CNTNAP2: variants seen among roughly 807,000 people sequenced by gnomAD.
CNTNAP2 encodes contactin-associated protein-like 2.
In CNTNAP2, 98 loss-of-function variants were observed where a neutral mutation model predicts 155.2. The observed-to-expected ratio is 0.63, with a 90% confidence interval of 0.54 to 0.75. The LOEUF (loss-of-function observed/expected upper bound fraction) is 0.75. CNTNAP2 is among the 30% of genes least tolerant of loss of function. CNTNAP2 has a pLI of 0.00. For synonymous variants in CNTNAP2, 651 were observed against 631.2 expected (o/e 1.03, Z -0.47); for missense variants, 1,727 against 1,688.1 (o/e 1.02, Z -0.40).
intron 22 of CNTNAP2, among the ~76,000 whole-genome samples, chr7:148,393,046 A>G (rs146636568): frequency 0.011 from 1,672 of 151,876 alleles, 34 homozygotes; most frequent in African/African-American, 0.038. Context: ...TTTCCTTTCT[A>G]TCATCTGGCC....
intron 1 of CNTNAP2, among the ~76,000 whole-genome samples, chr7:146,499,727 T>A (rs1797272564): frequency 6.6e-6 from 1 of 152,184 alleles, no homozygotes; most frequent in African/African-American, 2.4e-5. Flanking sequence ...TTGCTGAGAA[T>A]GATCGTTTCC....
At chr7:147,139,318 A>G (rs1378972409) in intron 8 of CNTNAP2, among the ~76,000 whole-genome samples, 1 of 152,110 alleles carries the variant, frequency 6.6e-6, no homozygotes, top group Non-Finnish European at 1.5e-5. Flanking sequence ...AATTTAAGCA[A>G]TATGGATTTA....
At chr7:147,383,027 A>G (rs1796563050) in intron 9 of CNTNAP2, among the ~76,000 whole-genome samples, 1 of 152,142 alleles carries the variant, frequency 6.6e-6, no homozygotes, top group South Asian at 2.1e-4. Context: ...GACAAAAGCA[A>G]TATAGTTTAG....
At chr7:146,847,744 A>G (rs1257380054) in intron 3 of CNTNAP2, among the ~76,000 whole-genome samples, 4 of 152,182 alleles carry the variant, frequency 2.6e-5, no homozygotes, top group African/African-American at 9.6e-5. Context: ...ATTTGGAAGT[A>G]TAATTGAGAA....
chr7:147,771,542 G>C (rs1797469432), intron 13 of CNTNAP2, among the ~76,000 whole-genome samples: 1 of 152,182 alleles, frequency 6.6e-6, no homozygotes, highest in Non-Finnish European at 1.5e-5. Context: ...TAGGCCAGTG[G>C]ATTTGCTTTG....
chr7:147,804,829 C>G (rs1030894372), intron 13 of CNTNAP2, among the ~76,000 whole-genome samples: 2 of 152,026 alleles, frequency 1.3e-5, no homozygotes, highest in African/African-American at 4.8e-5. Context: ...GCTGGGATTA[C>G]AGGCATGAGC....
chr7:147,955,697 A>G (rs1801007648), intron 14 of CNTNAP2, among the ~76,000 whole-genome samples: 1 of 152,184 alleles, frequency 6.6e-6, no homozygotes, highest in Non-Finnish European at 1.5e-5. Flanking sequence ...TATGATGCAC[A>G]GTCCCTGACC....
intron 14 of CNTNAP2, among the ~76,000 whole-genome samples, chr7:147,955,248 A>G (rs1416346052): frequency 6.6e-6 from 1 of 152,244 alleles, no homozygotes; most frequent in Non-Finnish European, 1.5e-5. Context: ...TATGAGTTTT[A>G]CATATCAGAA....
chr7:147,453,135 C>T (rs907154250), intron 10 of CNTNAP2, among the ~76,000 whole-genome samples: 2 of 152,144 alleles, frequency 1.3e-5, no homozygotes, highest in African/African-American at 4.8e-5. Flanking sequence ...GCTGGCAAAG[C>T]CTGCTCCTCA....
intron 10 of CNTNAP2, among the ~76,000 whole-genome samples, chr7:147,421,549 C>G (rs1490278567): frequency 6.9e-6 from 1 of 145,178 alleles, no homozygotes; most frequent in Non-Finnish European, 1.5e-5. Flanking sequence ...ATTAAAATAT[C>G]TAGGGATCTG....
chr7:147,745,969 T>G (rs1797035563), intron 13 of CNTNAP2, among the ~76,000 whole-genome samples: 1 of 152,178 alleles, frequency 6.6e-6, no homozygotes, highest in Non-Finnish European at 1.5e-5. Flanking sequence ...TTTCATGGGG[T>G]GTAATCTGTA....
intron 1 of CNTNAP2, among the ~76,000 whole-genome samples, chr7:146,633,555 C>T (rs557378399): frequency 3.9e-5 from 6 of 151,994 alleles, no homozygotes; most frequent in African/African-American, 1.2e-4. Flanking sequence ...ACAAATGCTG[C>T]CGTTATCTGA....
intron 1 of CNTNAP2, among the ~76,000 whole-genome samples, chr7:146,531,591 G>T (rs1433539453): frequency 6.6e-6 from 1 of 152,116 alleles, no homozygotes; most frequent in African/African-American, 2.4e-5. Context: ...AGTTGCCCAG[G>T]CTGGAGTGCA....
In CNTNAP2 at chr7:148,351,744, C is replaced by CAAAA. The variant is rs71188974; in HGVS notation, c.3476-31892_3476-31889dup. Among the ~76,000 whole-genome samples the CAAAA allele has an allele frequency of 2.2e-4, 19 of 85,400 alleles. 1 individual carries two copies. The highest frequency in any genetic ancestry group is 0.018 in the Middle Eastern group (2 of 112). The allele number at this position is 85,400 out of a possible 152,430, so 56.0% of individuals were successfully genotyped here. A position where few individuals can be genotyped will look rare whatever the true frequency, so the allele number is the denominator to read the frequency against. ...GGCAACAGAGTGAGACTCTGTCTCA[C>CAAAA]AAAAAAAAAAAAAAAATAGAAACCG... On this transcript the variant is annotated intron_variant, in intron 21 of 23. Transcript: ENST00000361727.
intron 1 of CNTNAP2, among the ~76,000 whole-genome samples, chr7:146,680,321 C>G (rs1800480120): frequency 6.6e-6 from 1 of 152,080 alleles, no homozygotes; most frequent in Non-Finnish European, 1.5e-5. Context: ...AAAAAGCAAA[C>G]AAAACCCCTA....
intron 8 of CNTNAP2, among the ~76,000 whole-genome samples, chr7:147,157,745 A>G (rs1801954236): frequency 2.0e-5 from 3 of 152,270 alleles, no homozygotes; most frequent in South Asian, 4.1e-4. Context: ...TGCTTAATGC[A>G]CTTGGCTAGA....
chr7:147,537,000 C>T (rs1799553374), intron 11 of CNTNAP2, among the ~76,000 whole-genome samples: 2 of 152,162 alleles, frequency 1.3e-5, no homozygotes, highest in African/African-American at 4.8e-5. Context: ...CTAAATCTGA[C>T]CCTTTTATTA....
At chr7:147,292,275 T>C (rs1805331335) in intron 8 of CNTNAP2, among the ~76,000 whole-genome samples, 1 of 152,198 alleles carries the variant, frequency 6.6e-6, no homozygotes, top group Non-Finnish European at 1.5e-5. Context: ...TGGCATCATT[T>C]TTTGTAAAAG....
intron 13 of CNTNAP2, among the ~76,000 whole-genome samples, chr7:147,776,097 T>C (rs1453576980): frequency 1.3e-5 from 2 of 152,142 alleles, no homozygotes; most frequent in Non-Finnish European, 2.9e-5. Context: ...GTACTAGAAA[T>C]GTACCAGCCA....
Sources: gnomAD v4.1 joint callset for allele counts (sites outside exome capture counted in the v4.1 genomes callset) on GRCh38, gnomAD v4.1.1 for gene constraint, MANE v1.5 for transcripts, NCBI Gene and HGNC (gene_info 2026-07-23, HGNC 2026-07-21) for gene names.